ST8SIA5: variants seen among roughly 807,000 people sequenced by gnomAD.
ST8SIA5 encodes alpha-2,8-sialyltransferase 8E.
ST8SIA5 carries 24 observed loss-of-function variants against 40.2 expected under a neutral mutation model. That is an observed-to-expected ratio of 0.60 (90% CI 0.43 to 0.84). The LOEUF (loss-of-function observed/expected upper bound fraction) is 0.84, where lower values mean the gene tolerates loss of function less well. Among genes scored for constraint, ST8SIA5 ranks in the 40% least tolerant of loss-of-function variants. The pLI is 0.00. For missense variants in ST8SIA5, 465 were observed against 498.5 expected, an observed-to-expected ratio of 0.93 and a Z score of 0.64; for synonymous variants, 198 against 201.8, an observed-to-expected ratio of 0.98 and a Z score of 0.16.
intron 1 of ST8SIA5, among the ~76,000 whole-genome samples, chr18:46,712,210 C>T (rs893410281): frequency 6.6e-6 from 1 of 152,202 alleles, no homozygotes; most frequent in Admixed American, 6.5e-5. Context: ...TAAAATTCAG[C>T]TCAACAGCCA....
At chr18:46,692,356 A>G in intron 2 of ST8SIA5, 101 bp from the exon 3 acceptor site, 1 of 1,029,762 alleles carries the variant, frequency 9.7e-7, no homozygotes, top group Admixed American at 1.8e-5. Flanking sequence ...GGCCAAGTCC[A>G]GTCCTGGGGC....
chr18:46,725,093 C>G (rs928633363), intron 1 of ST8SIA5, among the ~76,000 whole-genome samples: 2 of 151,904 alleles, frequency 1.3e-5, no homozygotes, highest in Admixed American at 1.3e-4. Flanking sequence ...CTCATTATCT[C>G]CATTTACAGC....
At chr18:46,683,074 A>C (rs1483731523) in intron 5 of ST8SIA5, among the ~76,000 whole-genome samples, 2 of 152,168 alleles carry the variant, frequency 1.3e-5, no homozygotes, top group African/African-American at 4.8e-5. Context: ...GGCCCTAAAC[A>C]AGCATAGTTT....
intron 1 of ST8SIA5, among the ~76,000 whole-genome samples, chr18:46,725,762 A>G (rs2144535589): frequency 6.6e-6 from 1 of 151,696 alleles, no homozygotes; most frequent in Admixed American, 6.6e-5. Context: ...GATAGGATCT[A>G]TTATTAGTCA....
At chr18:46,693,821 C>A (rs574896635) in intron 2 of ST8SIA5, among the ~76,000 whole-genome samples, 265 of 152,324 alleles carry the variant, frequency 1.7e-3, no homozygotes, top group Middle Eastern at 6.8e-3. Flanking sequence ...CCTCTTTCAG[C>A]AGTGCCTAAG....
chr18:46,733,135 C>T (rs2040000923), intron 1 of ST8SIA5, among the ~76,000 whole-genome samples: 1 of 152,148 alleles, frequency 6.6e-6, no homozygotes, highest in Non-Finnish European at 1.5e-5. Flanking sequence ...TTCACACAAC[C>T]CTGGGAGGGG....
intron 1 of ST8SIA5, among the ~76,000 whole-genome samples, chr18:46,749,520 A>C (rs2040175400): frequency 6.6e-6 from 1 of 152,240 alleles, no homozygotes; most frequent in African/African-American, 2.4e-5. Flanking sequence ...AATGAAAGAA[A>C]GAAAAATGTC....
At chr18:46,706,585 T>C (rs1389223884) in intron 1 of ST8SIA5, among the ~76,000 whole-genome samples, 1 of 152,252 alleles carries the variant, frequency 6.6e-6, no homozygotes, top group African/African-American at 2.4e-5. Context: ...TGTGTTCCTT[T>C]CCAAACCACG....
intron 1 of ST8SIA5, among the ~76,000 whole-genome samples, chr18:46,732,718 C>T (rs1300183059): frequency 6.6e-6 from 1 of 152,146 alleles, no homozygotes; most frequent in Non-Finnish European, 1.5e-5. Flanking sequence ...TTGAATTATT[C>T]ATTTGTATTT....
chr18:46,726,123 G>T lies in ST8SIA5; in HGVS notation c.132-21459C>A, dbSNP rs567336784. Among the ~76,000 whole-genome samples, 181 of 147,012 alleles carry T rather than the reference G, an allele frequency of 1.2e-3. 1 individual carries two copies. The South Asian group carries it at 0.023, about 18-fold the overall frequency. ...GCAGGAGAATTGCTTGAACCTGGGAGGCAGAGGCTGCAGTGAGCCGAGATT... is the reference window on the plus strand; with the variant it reads ...GCAGGAGAATTGCTTGAACCTGGGATGCAGAGGCTGCAGTGAGCCGAGATT... On this transcript the variant is annotated intron_variant, in intron 1 of 6. Coordinates refer to ENST00000315087, the MANE Select transcript of ST8SIA5 (RefSeq NM_013305.6).
At chr18:46,702,580 T>A (rs538208649) in intron 2 of ST8SIA5, among the ~76,000 whole-genome samples, 6 of 152,222 alleles carry the variant, frequency 3.9e-5, no homozygotes, top group Non-Finnish European at 7.3e-5. Flanking sequence ...CCTCCTGGCA[T>A]AGGGCCTTTG....
Position 46,756,579 on chromosome 18 carries a change from C to T in ST8SIA5, c.-71G>A, listed in dbSNP as rs1241638040. The T allele has an allele frequency of 1.3e-6, 2 of 1,514,966 alleles. No individual in the cohort carries two copies. Among genetic ancestry groups the T allele is most frequent in the East Asian group, 4.9e-5 (2 of 40,696 alleles). 93.8% of individuals were successfully genotyped at this position (1,514,966 alleles called of 1,614,324 possible). A position where few individuals can be genotyped will look rare whatever the true frequency, so the allele number is the denominator to read the frequency against. On this transcript the variant is annotated 5_prime_UTR_variant, in exon 1 of 7. Coordinates refer to ENST00000315087, the MANE Select transcript of ST8SIA5 (RefSeq NM_013305.6). Reference sequence around the variant, plus strand: ...AATGACTCGCGGGGTTCCGGGGCCCCGGGGGGCGCGCGGCCGACTTGGCGC... The same window carrying T: ...AATGACTCGCGGGGTTCCGGGGCCCTGGGGGGCGCGCGGCCGACTTGGCGC...
At chr18:46,699,378 CTT>C (rs558108694) in intron 2 of ST8SIA5, among the ~76,000 whole-genome samples, 2 of 151,084 alleles carry the variant, frequency 1.3e-5, no homozygotes, top group Non-Finnish European at 3.0e-5. Context: ...CTTTCTCCCT[CTT>C]TTTTTTTCTT....
At chr18:46,721,535 G>T (rs2039863701) in intron 1 of ST8SIA5, 2 of 1,346,128 alleles carry the variant, frequency 1.5e-6, no homozygotes, top group Admixed American at 2.0e-5. Context: ...CTACCAGAGA[G>T]CCACATTCTG....
Position 46,721,288 on chromosome 18 carries a change from C to T in ST8SIA5, c.132-16624G>A, listed in dbSNP as rs148573272. On this transcript the variant is annotated intron_variant, in intron 1 of 6. Coordinates refer to ENST00000315087, the MANE Select transcript of ST8SIA5 (RefSeq NM_013305.6). Reference sequence around the variant, plus strand: ...TGCTTCTTCCACCCTAGGAAGTGGACAATGTGGCAGGGGCTGCAGGGCCAC... The same window carrying T: ...TGCTTCTTCCACCCTAGGAAGTGGATAATGTGGCAGGGGCTGCAGGGCCAC... The T allele has an allele frequency of 3.0e-5, 40 of 1,342,340 alleles. 1 individual carries two copies. The Middle Eastern group carries it at 6.0e-4, about 20-fold the overall frequency. The allele number at this position is 1,342,340 out of a possible 1,614,324, so 83.2% of individuals were successfully genotyped here. A position where few individuals can be genotyped will look rare whatever the true frequency, so the allele number is the denominator to read the frequency against.
chr18:46,743,223 G>A (rs983146906), intron 1 of ST8SIA5, among the ~76,000 whole-genome samples: 3 of 152,218 alleles, frequency 2.0e-5, no homozygotes, highest in African/African-American at 7.2e-5. Context: ...TTGATGAGTT[G>A]ACAGAAGAAG....
rs184701125 is a variant in ST8SIA5, at chr18:46,727,253, A to G, written c.132-22589T>C. 2.1e-3 allele frequency among the ~76,000 whole-genome samples: 320 copies of G among 152,362 alleles called. 1 individual carries two copies. Among genetic ancestry groups the G allele is most frequent in the Non-Finnish European group, 1.8e-3 (125 of 68,028 alleles). ...AGCTCTGTCTGGATTTTCTGATTATAAAATCTGGGATATGTTTATGGAGGC... is the reference window on the plus strand; with the variant it reads ...AGCTCTGTCTGGATTTTCTGATTATGAAATCTGGGATATGTTTATGGAGGC... On this transcript the variant is annotated intron_variant, in intron 1 of 6. Transcript: ENST00000315087.
intron 1 of ST8SIA5, among the ~76,000 whole-genome samples, chr18:46,731,053 G>A (rs888639822): frequency 4.6e-5 from 7 of 152,222 alleles, no homozygotes; most frequent in Non-Finnish European, 7.3e-5. Context: ...GATGAACTAT[G>A]TGTGACAAAT....
intron 1 of ST8SIA5, among the ~76,000 whole-genome samples, chr18:46,748,423 G>T (rs910516273): frequency 2.0e-5 from 3 of 151,590 alleles, no homozygotes; most frequent in Non-Finnish European, 4.4e-5. Context: ...AATTAGCCAG[G>T]CATGATGGTA....
Sources: allele counts gnomAD v4.1 joint callset (sites outside exome capture counted in the v4.1 genomes callset), GRCh38; gene constraint gnomAD v4.1.1; transcripts MANE v1.5; gene names NCBI Gene and HGNC (gene_info 2026-07-23, HGNC 2026-07-21).